The following TPST1 variants were observed in gnomAD, a reference collection of about 807,000 sequenced individuals.
TPST1 encodes tyrosylprotein sulfotransferase 1, also known as protein-tyrosine sulfotransferase 1.
A neutral mutation model predicts 34.8 loss-of-function variants in TPST1; 20 were observed. The observed-to-expected ratio is 0.57, with a 90% CI of 0.40 to 0.84. TPST1 has a LOEUF of 0.84. TPST1 is among the 40% of genes least tolerant of loss of function. TPST1 has a pLI of 0.00. For missense variants in TPST1, 353 were observed against 455.5 expected (o/e 0.78, Z 2.05); for synonymous variants, 152 against 159.4 (o/e 0.95, Z 0.35).
chr7:66,310,766 T>C (rs1021755212), intron 3 of TPST1, among the ~76,000 whole-genome samples: 4 of 152,166 alleles, frequency 2.6e-5, no homozygotes, highest in African/African-American at 9.7e-5. Flanking sequence ...AATTTTAAGC[T>C]ACTTCTCACT....
intron 1 of TPST1, among the ~76,000 whole-genome samples, chr7:66,224,532 A>G (rs1481186292): frequency 6.6e-6 from 1 of 152,180 alleles, no homozygotes; most frequent in African/African-American, 2.4e-5. Context: ...GACCTAGAAT[A>G]TAGCCATGTT....
intron 1 of TPST1, among the ~76,000 whole-genome samples, chr7:66,220,322 G>T (rs755312185): frequency 3.3e-5 from 5 of 152,038 alleles, no homozygotes; most frequent in Non-Finnish European, 7.4e-5. Context: ...TATACTTATA[G>T]AATCTAATTA....
At chr7:66,293,905 C>G (rs572685159) in intron 3 of TPST1, among the ~76,000 whole-genome samples, 1 of 152,270 alleles carries the variant, frequency 6.6e-6, no homozygotes, top group African/African-American at 2.4e-5. Flanking sequence ...AAGTTATGCT[C>G]ACGTCTTTAC....
At chr7:66,209,129 C>A (rs148858235) in intron 1 of TPST1, among the ~76,000 whole-genome samples, 1 of 151,916 alleles carries the variant, frequency 6.6e-6, no homozygotes, top group Non-Finnish European at 1.5e-5. Flanking sequence ...AAAAATTAGC[C>A]GGGCGTGGTG....
intron 3 of TPST1, among the ~76,000 whole-genome samples, chr7:66,312,073 G>C (rs1347509252): frequency 6.6e-6 from 1 of 152,216 alleles, no homozygotes; most frequent in Admixed American, 6.5e-5. Context: ...CCAGCTCTTT[G>C]TTGGTTTTGT....
chr7:66,240,437 G>C lies in TPST1; in HGVS notation c.12G>C (p.Lys4Asn), dbSNP rs10259709. MVGKLKQNLLLACL... is the reference protein window; with the variant it reads MVGNLKQNLLLACL... ...ATAACCACATCAAGATGGTTGGAAA[G>C]CTGAAGCAGAACTTACTATTGGCAT... The change falls in exon 2 of 6, where the codon AAG (lysine) becomes AAC (asparagine). Residue 4 changes from lysine (K) to asparagine (N), a missense_variant. Transcript: ENST00000304842. 6.2e-7 allele frequency: 1 copy of C among 1,613,412 alleles called. No individual in the cohort carries two copies. Among genetic ancestry groups the C allele is most frequent in the Non-Finnish European group, 8.5e-7 (1 of 1,179,568 alleles).
intron 5 of TPST1, chr7:66,359,564 CT>C (rs1275273956): frequency 1.1e-5 from 3 of 270,534 alleles, no homozygotes; most frequent in African/African-American, 6.6e-5. Flanking sequence ...TCTGGTGCCC[CT>C]GACAGTGCCC....
intron 2 of TPST1, among the ~76,000 whole-genome samples, chr7:66,278,765 T>A (rs975064700): frequency 2.0e-4 from 29 of 148,250 alleles, no homozygotes; most frequent in African/African-American, 7.1e-4. Flanking sequence ...CCCACTGCAC[T>A]CCAGCCTGGG....
At chr7:66,248,642 T>G (rs1476923762) in intron 2 of TPST1, among the ~76,000 whole-genome samples, 1 of 151,922 alleles carries the variant, frequency 6.6e-6, no homozygotes, top group Non-Finnish European at 1.5e-5. Flanking sequence ...TAGCTGGGAT[T>G]GCAGGTGCGT....
At chr7:66,214,284 A>T (rs1789339875) in intron 1 of TPST1, among the ~76,000 whole-genome samples, 1 of 151,890 alleles carries the variant, frequency 6.6e-6, no homozygotes. Flanking sequence ...TGAGCACATA[A>T]TAAAGACAAT....
At position 66,240,752 on chromosome 7, in the gene TPST1, C is replaced by G; in HGVS notation, c.327C>G (p.Ala109=). 3 of 1,614,160 alleles carry G rather than the reference C, an allele frequency of 1.9e-6. No homozygotes were observed. ...CCAGGGTCATTCCCCGAATCCTGGC[C>G]CTGAAGCAGATGTGGTCACGGTCAA... ...EETRVIPRIL[A]LKQMWSRSSK... The change falls in exon 2 of 6, where the codon GCC becomes GCG. Residue 109 remains alanine, a synonymous_variant. Coordinates refer to ENST00000304842, the MANE Select transcript of TPST1 (RefSeq NM_003596.4).
chr7:66,339,939 A>G (rs1298000104), intron 3 of TPST1, among the ~76,000 whole-genome samples: 1 of 152,178 alleles, frequency 6.6e-6, no homozygotes, highest in Non-Finnish European at 1.5e-5. Flanking sequence ...CATTAATACA[A>G]TCAAGACCAA....
intron 5 of TPST1, among the ~76,000 whole-genome samples, chr7:66,357,819 C>T (rs1792610810): frequency 1.3e-5 from 2 of 152,152 alleles, no homozygotes; most frequent in African/African-American, 4.8e-5. Context: ...GGCATGGTGG[C>T]TCATGCCTGT....
chr7:66,340,399 G>A (rs1396684307), intron 3 of TPST1, among the ~76,000 whole-genome samples: 3 of 151,860 alleles, frequency 2.0e-5, no homozygotes, highest in African/African-American at 2.4e-5. Context: ...CAAGCAATTA[G>A]GCAAGAGAAA....
chr7:66,296,223 C>T (rs1791188809), intron 3 of TPST1, among the ~76,000 whole-genome samples: 1 of 149,734 alleles, frequency 6.7e-6, no homozygotes, highest in Non-Finnish European at 1.5e-5. Flanking sequence ...AAAATACCCA[C>T]TGAAATTAAA....
At chr7:66,322,511 T>G (rs1427265122) in intron 3 of TPST1, among the ~76,000 whole-genome samples, 2 of 152,224 alleles carry the variant, frequency 1.3e-5, no homozygotes, top group Non-Finnish European at 2.9e-5. Context: ...GACTGGCTTG[T>G]TTGAGTTAGC....
At chr7:66,343,914 A>ATGTTC (rs1792290168) in intron 3 of TPST1, among the ~76,000 whole-genome samples, 1 of 152,246 alleles carries the variant, frequency 6.6e-6, no homozygotes, top group African/African-American at 2.4e-5. Flanking sequence ...ATAAGCAGAC[A>ATGTTC]ATAGAAACTC....
intron 4 of TPST1, among the ~76,000 whole-genome samples, chr7:66,353,329 G>T (rs1792518468): frequency 6.6e-6 from 1 of 151,846 alleles, no homozygotes; most frequent in Non-Finnish European, 1.5e-5. Flanking sequence ...AATTAGCTAG[G>T]CATGGTGGCG....
chr7:66,285,621 A>G (rs1442035031), intron 2 of TPST1, among the ~76,000 whole-genome samples: 3 of 152,216 alleles, frequency 2.0e-5, no homozygotes, highest in Non-Finnish European at 4.4e-5. Flanking sequence ...CTTTTCTTAG[A>G]ATACTATGTT....
Sources: allele counts gnomAD v4.1 joint callset (sites outside exome capture counted in the v4.1 genomes callset), GRCh38; gene constraint gnomAD v4.1.1; transcripts MANE v1.5; gene names NCBI Gene and HGNC (gene_info 2026-07-23, HGNC 2026-07-21).